MTTP: variants seen among roughly 807,000 people sequenced by gnomAD.
MTTP encodes microsomal triglyceride transfer protein large subunit.
MTTP carries 49 observed loss-of-function variants against 90.6 expected under a neutral mutation model. The observed-to-expected ratio is 0.54, with a 90% CI of 0.43 to 0.69. The LOEUF is 0.69. MTTP is among the 30% of genes least tolerant of loss of function. The pLI is 0.00. For synonymous variants in MTTP, 347 were observed against 384.2 expected, an observed-to-expected ratio of 0.90 and a Z score of 1.13; for missense variants, 945 against 1,067.5, an observed-to-expected ratio of 0.89 and a Z score of 1.60.
At chr4:99,580,592 A>T (rs1036604646) in intron 1 of MTTP, among the ~76,000 whole-genome samples, 6 of 150,242 alleles carry the variant, frequency 4.0e-5, no homozygotes, top group African/African-American at 9.8e-5. Context: ...AAAAAAAAAA[A>T]AAAAAAAAGA....
At chr4:99,603,711 T>G (rs1725750133) in intron 10 of MTTP, among the ~76,000 whole-genome samples, 2 of 152,102 alleles carry the variant, frequency 1.3e-5, no homozygotes, top group South Asian at 4.1e-4. Context: ...TTGGCCATGT[T>G]AAGTTCAAAA....
rs1726218566 is a variant in MTTP at position 99,621,130 on chromosome 4, T to C, written c.2412T>C (p.Ser804=). The C allele has an allele frequency of 6.2e-7, 1 of 1,614,030 alleles. No individual in the cohort carries two copies. The highest frequency in any genetic ancestry group is 8.5e-7 in the Non-Finnish European group (1 of 1,179,906). The part of the protein sequence containing the change: ...SSFVKAGLET[S]TETEAGLEFI... ...TTGTGAAAGCTGGCCTGGAAACCAG[T>C]ACAGAAACAGAAGCAGGCTTGGAGT... The change falls in exon 17 of 18, where the codon AGT becomes AGC. Residue 804 remains serine, a synonymous_variant. Transcript: ENST00000265517.
chr4:99,597,635 T>G (rs1262334880), intron 8 of MTTP, among the ~76,000 whole-genome samples: 1 of 152,224 alleles, frequency 6.6e-6, no homozygotes, highest in Non-Finnish European at 1.5e-5. Flanking sequence ...GGGTTTGACT[T>G]CTTCAGTTGA....
In MTTP at chr4:99,621,010, A is replaced by T. The variant is rs1491244; in HGVS notation, c.2343-51A>T. 0.087 allele frequency: 134,804 copies of T among 1,543,920 alleles called. 6,437 individuals carry two copies. The highest frequency in any genetic ancestry group is 0.097 in the Non-Finnish European group (108,501 of 1,122,168). On this transcript the variant is annotated intron_variant, in intron 16 of 17. Coordinates refer to ENST00000265517, the MANE Select transcript of MTTP (RefSeq NM_001386140.1). ...GTAAAGTTACAGCTGTTAGTCCAAT[A>T]CCATTAAATATAATATGAACAAGTT... is the stretch of plus-strand genomic sequence containing the variant.
Position 99,582,005 on chromosome 4 carries a change from C to A in MTTP, c.162C>A (p.Ser54Arg), listed in dbSNP as rs769291215. The A allele has an allele frequency of 3.7e-6, 6 of 1,614,174 alleles. No homozygotes were observed. The highest frequency in any genetic ancestry group is 5.1e-6 in the Non-Finnish European group (6 of 1,180,014). ...LDRGKGKLQD[S>R]VGYRISSNVD... ...GGGGCAAAGGAAAACTGCAAGACAG[C>A]GTGGGCTACCGCATTTCCTCCAACG... Residue 54 changes from serine to arginine, a missense_variant, in exon 2 of 18, where the codon AGC becomes AGA. By Grantham distance (110) the Ser-to-Arg change is moderately radical. Transcript: ENST00000265517.
chr4:99,585,073 G>T (rs1004347092), intron 3 of MTTP, among the ~76,000 whole-genome samples: 19 of 152,100 alleles, frequency 1.2e-4, no homozygotes, highest in Non-Finnish European at 2.1e-4. Context: ...GCTCATAGGG[G>T]ATACTGAATA....
At chr4:99,620,951 C>G (rs760171145) in intron 16 of MTTP, 110 bp from the exon 17 acceptor site, 50 of 1,045,294 alleles carry the variant, frequency 4.8e-5, no homozygotes, top group Non-Finnish European at 6.3e-5. Context: ...TTAAGTGTTT[C>G]CTTCCAGTCA....
At chr4:99,603,618 A>T (rs978282421) in intron 10 of MTTP, among the ~76,000 whole-genome samples, 6 of 152,146 alleles carry the variant, frequency 3.9e-5, no homozygotes, top group African/African-American at 1.4e-4. Context: ...TGAGGTTACC[A>T]GGTGTATGGT....
intron 6 of MTTP, 97 bp downstream of exon 6, chr4:99,591,887 TGC>T (rs942986944): frequency 1.4e-5 from 15 of 1,073,328 alleles, no homozygotes; most frequent in Non-Finnish European, 1.8e-5. Flanking sequence ...TGTGTGTGTG[TGC>T]GCGTGTAGTC....
rs1402477591 is a variant in MTTP at position 99,589,680 on chromosome 4, C to T, written c.431C>T (p.Ala144Val). The change falls in exon 4 of 18, where the codon GCC (alanine) becomes GTC (valine). Residue 144 changes from alanine (A) to valine (V), a missense_variant. Transcript: ENST00000265517. The stretch of plus-strand genomic sequence containing the variant: ...TACTCATATCAAAATGAGGCAGTGG[C>T]CATAGAAAATATCAAGAGAGGTCTG... ...EFYSYQNEAV[A>V]IENIKRGLAS... is the part of the protein sequence containing the mutation. 3 of 1,609,908 alleles carry T rather than the reference C, an allele frequency of 1.9e-6. No individual in the cohort carries two copies. Among genetic ancestry groups the T allele is most frequent in the Non-Finnish European group, 2.5e-6 (3 of 1,176,672 alleles).
At chr4:99,597,543 C>T (rs1725587870) in intron 8 of MTTP, among the ~76,000 whole-genome samples, 1 of 152,240 alleles carries the variant, frequency 6.6e-6, no homozygotes, top group East Asian at 1.9e-4. Flanking sequence ...TGTGCTGCCT[C>T]GCTGTTTTTG....
At chr4:99,587,791 G>A (rs1725293665) in intron 3 of MTTP, among the ~76,000 whole-genome samples, 1 of 152,122 alleles carries the variant, frequency 6.6e-6, no homozygotes, top group Non-Finnish European at 1.5e-5. Context: ...TAATGGTCAT[G>A]ATACCTGGAG....
chr4:99,579,972 G>T (rs960710293), intron 1 of MTTP, among the ~76,000 whole-genome samples: 2 of 149,024 alleles, frequency 1.3e-5, no homozygotes, highest in African/African-American at 5.0e-5. Context: ...GGAGATGAAG[G>T]TTGCAGTGAG....
intron 1 of MTTP, among the ~76,000 whole-genome samples, chr4:99,569,002 T>G (rs963012379): frequency 6.6e-6 from 1 of 152,140 alleles, no homozygotes; most frequent in Non-Finnish European, 1.5e-5. Context: ...AAATGTGGGA[T>G]GTACATAGCA....
chr4:99,597,074 A>T lies in MTTP; in HGVS notation c.917A>T (p.Glu306Val). The T allele has an allele frequency of 6.2e-7, 1 of 1,613,894 alleles. No homozygotes were observed. The highest frequency in any genetic ancestry group is 8.5e-7 in the Non-Finnish European group (1 of 1,179,888). ...GCAGTGTATGTTTTGCAGCTCTCGG[A>T]GCTCTGGCGGTCCACCAGGAAATAC... is the stretch of plus-strand genomic sequence containing the variant. ...SHCKGCPSLS[E>V]LWRSTRKYLQ... is the part of the protein sequence containing the mutation. Residue 306 changes from glutamate (E) to valine (V), a missense_variant, in exon 8 of 18, where the codon GAG (glutamate) becomes GTG (valine). Physicochemically the swap from Glu to Val is moderately radical, Grantham distance 121 (BLOSUM62 -2). Coordinates refer to ENST00000265517, the MANE Select transcript of MTTP (RefSeq NM_001386140.1).
intron 1 of MTTP, among the ~76,000 whole-genome samples, chr4:99,580,995 C>T (rs1578233879): frequency 6.6e-6 from 1 of 152,152 alleles, no homozygotes; most frequent in East Asian, 1.9e-4. Flanking sequence ...GGTTGCGTGT[C>T]ATAGTAAACT....
chr4:99,600,564 G>C lies in MTTP; in HGVS notation c.1068-1G>C. The C allele has an allele frequency of 6.2e-7, 1 of 1,612,866 alleles. No homozygotes were observed. The highest frequency in any genetic ancestry group is 8.5e-7 in the Non-Finnish European group (1 of 1,179,332). On this transcript the variant is annotated splice_acceptor_variant, in intron 8 of 17. Coordinates refer to ENST00000265517, the MANE Select transcript of MTTP (RefSeq NM_001386140.1). LOFTEE classifies it high-confidence loss of function. ...ATCCATGATTATGCCTTTTTTTATA[G>C]ACCTCAGCTGGTGGATGCTGTCACC...
intron 7 of MTTP, among the ~76,000 whole-genome samples, chr4:99,596,796 A>G (rs183498984): frequency 9.9e-5 from 15 of 152,242 alleles, no homozygotes; most frequent in African/African-American, 3.6e-4. Flanking sequence ...TGACCTATAT[A>G]CCCAGAAACC....
upstream of MTTP, among the ~76,000 whole-genome samples, chr4:99,572,111 T>G (rs1445399774): frequency 6.6e-6 from 1 of 151,918 alleles, no homozygotes; most frequent in Non-Finnish European, 1.5e-5. Context: ...GAAACACAAC[T>G]GTACTTTGGA....
Sources: allele counts gnomAD v4.1 joint callset (sites outside exome capture counted in the v4.1 genomes callset), GRCh38; gene constraint gnomAD v4.1.1; transcripts MANE v1.5; gene names NCBI Gene and HGNC (gene_info 2026-07-23, HGNC 2026-07-21).